The following TRIP6 variants were observed in gnomAD, a reference collection of about 807,000 sequenced individuals.
TRIP6 encodes thyroid receptor-interacting protein 6.
In TRIP6, 33 loss-of-function variants were observed where a neutral mutation model predicts 51.9. The ratio of observed to expected loss-of-function variants is 0.64; its 90% CI spans 0.48 to 0.85. TRIP6 has a LOEUF of 0.85. TRIP6 is among the 40% of genes least tolerant of loss of function. The pLI, the probability that TRIP6 is intolerant of heterozygous loss-of-function variation, is 0.00. For missense variants in TRIP6, 661 were observed against 652.1 expected (o/e 1.01, Z -0.15); for synonymous variants, 255 against 275.8 (o/e 0.92, Z 0.75).
chr7:100,870,348 G>C (rs1180526425), intron 4 of TRIP6, 22 bp from the exon 5 acceptor site: 2 of 1,461,608 alleles, frequency 1.4e-6, no homozygotes, highest in Admixed American at 2.3e-5. Context: ...GAGTAGGACC[G>C]AGCCCGATTC....
chr7:100,872,441 T>C (rs1466448890), intron 7 of TRIP6, among the ~76,000 whole-genome samples, 183 bp from the exon 8 acceptor site: 3 of 152,118 alleles, frequency 2.0e-5, no homozygotes, highest in Non-Finnish European at 4.4e-5. Flanking sequence ...AGTCGGGGGA[T>C]TGCAGGCTAG....
At position 100,870,608 on chromosome 7, in the gene TRIP6, G is replaced by A; in HGVS notation, c.864G>A (p.Gly288=). ...GTGGCTGCGGAGAAGATGTGGTTGG[G>A]GATGGGGCTGGGGTTGTGGCCCTTG... The part of the protein sequence containing the change: ...QCGGCGEDVV[G]DGAGVVALDR... The change falls in exon 6 of 9, where the codon GGG becomes GGA. Residue 288 remains glycine (G), a synonymous_variant. Coordinates refer to ENST00000200457, the MANE Select transcript of TRIP6 (RefSeq NM_003302.3). The A allele has an allele frequency of 6.2e-7, 1 of 1,614,220 alleles. No individual in the cohort carries two copies. The highest frequency in any genetic ancestry group is 1.7e-5 in the Admixed American group (1 of 60,028).
At chr7:100,869,957 T>C (rs777090953) in intron 4 of TRIP6, among the ~76,000 whole-genome samples, 4 of 152,078 alleles carry the variant, frequency 2.6e-5, no homozygotes, top group South Asian at 2.1e-4. Context: ...TACAATGTAA[T>C]ATATACCGAA....
Position 100,868,586 on chromosome 7 carries a change from C to T in TRIP6, c.455C>T (p.Pro152Leu). The change falls in exon 4 of 9, where the codon CCC becomes CTC. Residue 152 changes from proline to leucine, a missense_variant. Coordinates refer to ENST00000200457, the MANE Select transcript of TRIP6 (RefSeq NM_003302.3). ...CTCCCAGCGTCTCCCTATGGGGGCC[C>T]CACTCCAGCCTCTTACACTACCGCC... ...SPLPASPYGGPTPASYTTAST... is the reference protein window; with the variant it reads ...SPLPASPYGGLTPASYTTAST... The T allele has an allele frequency of 6.2e-7, 1 of 1,613,006 alleles. No homozygotes were observed. Among genetic ancestry groups the T allele is most frequent in the Non-Finnish European group, 8.5e-7 (1 of 1,180,008 alleles).
Position 100,873,228 on chromosome 7 carries a change from T to C in TRIP6, c.1356T>C (p.Asp452=). 1 of 1,613,866 alleles carries C rather than the reference T, an allele frequency of 6.2e-7. No homozygotes were observed. Among genetic ancestry groups the C allele is most frequent in the Non-Finnish European group, 8.5e-7 (1 of 1,179,846 alleles). The change falls in exon 9 of 9, where the codon GAT becomes GAC. Residue 452 remains aspartate (D), a synonymous_variant. Transcript: ENST00000200457. The part of the protein sequence containing the change: ...EGECQGCYPL[D]GHILCKACSA... ...AGTGTCAGGGCTGCTACCCGCTGGATGGGCACATCTTGTGCAAGGCCTGCA... is the reference window on the plus strand; with the variant it reads ...AGTGTCAGGGCTGCTACCCGCTGGACGGGCACATCTTGTGCAAGGCCTGCA...
In TRIP6 at chr7:100,867,737, T is replaced by A. The variant is rs1339294586; in HGVS notation, c.110-124T>A. ...AGCCGAGGCGGGGGGAACAGCCGCC[T>A]GCGCTCTCTTGGGACCCTAGATTTG... On this transcript the variant is annotated intron_variant, in intron 1 of 8. Coordinates refer to ENST00000200457, the MANE Select transcript of TRIP6 (RefSeq NM_003302.3). The surrounding 1 kb of genome is among the most constrained non-coding windows in gnomAD (Gnocchi z 5.4). 6.6e-7 allele frequency: 1 copy of A among 1,518,908 alleles called. No individual in the cohort carries two copies. The highest frequency in any genetic ancestry group is 8.8e-7 in the Non-Finnish European group (1 of 1,132,000). 94.1% of individuals were successfully genotyped at this position (1,518,908 alleles called of 1,614,324 possible).
intron 3 of TRIP6, 31 bp downstream of exon 3, chr7:100,868,264 C>G: frequency 6.3e-7 from 1 of 1,597,520 alleles, no homozygotes; most frequent in Non-Finnish European, 8.5e-7. Context: ...CGTCAGCACC[C>G]TGCCCCCTTC....
intron 6 of TRIP6, 90 bp downstream of exon 6, chr7:100,870,833 G>T: frequency 6.8e-7 from 1 of 1,479,656 alleles, no homozygotes; most frequent in Non-Finnish European, 9.0e-7. Context: ...AAGACCAAAG[G>T]AGGAACGGTG....
chr7:100,871,474 G>A (rs1301263413), intron 6 of TRIP6, 69 bp from the exon 7 acceptor site: 1 of 1,537,532 alleles, frequency 6.5e-7, no homozygotes, highest in African/African-American at 1.4e-5. Flanking sequence ...TGGCTGGGTT[G>A]CTGGGGTTCC....
At chr7:100,869,883 C>G (rs564515917) in intron 4 of TRIP6, among the ~76,000 whole-genome samples, 44 of 151,256 alleles carry the variant, frequency 2.9e-4, no homozygotes, top group African/African-American at 9.2e-4. Context: ...CACTTTATTT[C>G]TGTTATAATA....
chr7:100,868,060 G>A (rs1413083608), intron 2 of TRIP6, 48 bp from the exon 3 acceptor site: 2 of 1,588,088 alleles, frequency 1.3e-6, no homozygotes, highest in East Asian at 2.3e-5. Flanking sequence ...CAGGACAGGA[G>A]AAGGCCTATG....
chr7:100,872,875 G>A (rs1250948282), intron 8 of TRIP6, 131 bp downstream of exon 8: 1 of 1,360,814 alleles, frequency 7.3e-7, no homozygotes, highest in Admixed American at 2.8e-5. Flanking sequence ...TTTTGAGACG[G>A]AGTCTTGCTC....
At chr7:100,872,360 C>T (rs532808441) in intron 7 of TRIP6, among the ~76,000 whole-genome samples, 37 of 152,108 alleles carry the variant, frequency 2.4e-4, no homozygotes, top group Middle Eastern at 6.8e-3. Context: ...ATAAAGACAG[C>T]GTCTTGCTGT....
intron 6 of TRIP6, chr7:100,871,122 C>G (rs1200811647): frequency 2.0e-6 from 1 of 497,246 alleles, no homozygotes; most frequent in Non-Finnish European, 3.9e-6. Flanking sequence ...CAACCTCAGC[C>G]TGCCCTGGTT....
At position 100,868,199 on chromosome 7, in the gene TRIP6, G is replaced by A. The variant is rs767512911; in HGVS notation, c.329G>A (p.Gly110Asp). Reference sequence around the variant, plus strand: ...AGCACGCTGGCCGAGCTGAATGGGGGTCGGGGTCATGCGTCACGGCGACCA... The same window carrying A: ...AGCACGCTGGCCGAGCTGAATGGGGATCGGGGTCATGCGTCACGGCGACCA... ...LSSTLAELNGGRGHASRRPDR... is the reference protein window; with the variant it reads ...LSSTLAELNGDRGHASRRPDR... The change falls in exon 3 of 9, where the codon GGT (glycine) becomes GAT (aspartate). Residue 110 changes from glycine (G) to aspartate (D), a missense_variant. By Grantham distance (94) the Gly-to-Asp change is moderately conservative (BLOSUM62 -1). Transcript: ENST00000200457. 6 of 1,609,820 alleles carry A rather than the reference G, an allele frequency of 3.7e-6. No homozygotes were observed. The highest frequency in any genetic ancestry group is 4.2e-6 in the Non-Finnish European group (5 of 1,178,046).
chr7:100,873,293 C>G lies in TRIP6; in HGVS notation c.1421C>G (p.Thr474Ser). 6.2e-7 allele frequency: 1 copy of G among 1,608,956 alleles called. No homozygotes were observed. Among genetic ancestry groups the G allele is most frequent in the Non-Finnish European group, 8.5e-7 (1 of 1,176,114 alleles). ...RIQELSATVT[T>S]DC ...CAGGAGCTCTCAGCCACCGTCACCA[C>G]TGACTGCTGAGTCTTCCTAGAAGTA... The change falls in exon 9 of 9, where the codon ACT becomes AGT. Residue 474 changes from threonine to serine, a missense_variant. Coordinates refer to ENST00000200457, the MANE Select transcript of TRIP6 (RefSeq NM_003302.3).
Position 100,868,123 on chromosome 7 carries a change from A to T in TRIP6, c.253A>T (p.Arg85Trp), listed in dbSNP as rs1367634773. ...LQHTQGLPAD[R>W]GGLRPGSLDA... ...CCATCCTCAGGGGCTCCCTGCAGAC[A>T]GGGGGGGCCTTCGCCCTGGAAGCCT... Residue 85 changes from arginine to tryptophan, a missense_variant, in exon 3 of 9, where the codon AGG becomes TGG. Coordinates refer to ENST00000200457, the MANE Select transcript of TRIP6 (RefSeq NM_003302.3). 1 of 1,612,318 alleles carries T rather than the reference A, an allele frequency of 6.2e-7. No homozygotes were observed. Among genetic ancestry groups the T allele is most frequent in the Non-Finnish European group, 8.5e-7 (1 of 1,179,510 alleles).
At chr7:100,869,131 C>T (rs184574885) in intron 4 of TRIP6, among the ~76,000 whole-genome samples, 446 of 151,780 alleles carry the variant, frequency 2.9e-3, no homozygotes, top group African/African-American at 0.01. Flanking sequence ...ATTTTTAGTA[C>T]AGACGGGGTT....
At chr7:100,868,441 T>C in intron 3 of TRIP6, 54 bp from the exon 4 acceptor site, 2 of 1,611,250 alleles carry the variant, frequency 1.2e-6, no homozygotes, top group Admixed American at 3.3e-5. Flanking sequence ...TCCACAAATG[T>C]GGGTCTTGGA....
Sources: gnomAD v4.1 joint callset for allele counts (sites outside exome capture counted in the v4.1 genomes callset) on GRCh38, gnomAD v4.1.1 for gene constraint, Gnocchi (gnomAD v3.1) non-coding constraint, MANE v1.5 for transcripts, NCBI Gene and HGNC (gene_info 2026-07-23, HGNC 2026-07-21) for gene names.